Variants in LARGE1 observed in about 807,000 individuals in gnomAD.
The protein encoded by LARGE1 is LARGE xylosyl- and glucuronyltransferase 1, also known as xylosyl- and glucuronyltransferase LARGE1.
LARGE1 carries 43 observed loss-of-function variants against 87.6 expected under a neutral mutation model. The ratio of observed to expected loss-of-function variants is 0.49; its 90% CI spans 0.38 to 0.63. LARGE1 has a LOEUF of 0.63. Ranked by LOEUF, LARGE1 falls within the 30% of genes least tolerant of loss-of-function variation. The pLI, the probability that LARGE1 is intolerant of heterozygous loss-of-function variation, is 0.00. For synonymous variants in LARGE1, 434 were observed against 394.6 expected, an observed-to-expected ratio of 1.10 and a Z score of -1.18; for missense variants, 802 against 1,000.2, an observed-to-expected ratio of 0.80 and a Z score of 2.67.
chr22:33,499,398 G>T (rs1427098438), intron 6 of LARGE1, among the ~76,000 whole-genome samples: 1 of 152,120 alleles, frequency 6.6e-6, no homozygotes, highest in African/African-American at 2.4e-5. Flanking sequence ...TAGTTATAAC[G>T]ATTGGTTAAG....
intron 7 of LARGE1, among the ~76,000 whole-genome samples, chr22:33,408,368 A>C (rs572200853): frequency 6.6e-6 from 1 of 152,342 alleles, no homozygotes; most frequent in African/African-American, 2.4e-5. Flanking sequence ...GATCAATGAT[A>C]AGGATGACAC....
chr22:33,238,409 G>A (rs192345971), intron 11 of LARGE1, among the ~76,000 whole-genome samples: 1 of 152,096 alleles, frequency 6.6e-6, no homozygotes, highest in African/African-American at 2.4e-5. Context: ...TAATCATAGG[G>A]CGTGATTTGA....
chr22:33,209,594 C>G (rs1029260826), intron 11 of LARGE1, among the ~76,000 whole-genome samples: 16 of 152,300 alleles, frequency 1.1e-4, no homozygotes, highest in Admixed American at 1.0e-3. Flanking sequence ...AATATTTGCT[C>G]TATGTACAAT....
In LARGE1 at chr22:33,840,568, T is replaced by G. The variant is rs533566465; in HGVS notation, c.-82-79010A>C. On this transcript the variant is annotated intron_variant, in intron 1 of 14. Coordinates refer to ENST00000397394, the MANE Select transcript of LARGE1 (RefSeq NM_133642.5). ...CAAATATCTAGTATTTTACCACTTT[T>G]AAAGTACTATTGGATCTATTGCCCT... 4.6e-5 allele frequency among the ~76,000 whole-genome samples: 7 copies of G among 152,304 alleles called. 1 individual carries two copies. In the South Asian group the frequency reaches 1.5e-3, roughly 32 times the overall value.
rs9607073 is a variant in LARGE1 at position 33,698,672 on chromosome 22, G to T, written c.107-48004C>A. On this transcript the variant is annotated intron_variant, in intron 2 of 14. Coordinates refer to ENST00000397394, the MANE Select transcript of LARGE1 (RefSeq NM_133642.5). ...TCAGCTCAGCTACATCCCAGGTAGG[G>T]CCATTTACTGAACCTTTACTGAACG... Among the ~76,000 whole-genome samples the T allele has an allele frequency of 5.6e-3, 855 of 152,246 alleles. 6 individuals are homozygous for T. The highest frequency in any genetic ancestry group is 5.9e-3 in the Non-Finnish European group (404 of 68,020).
At chr22:33,278,513 C>T (rs1346857395) in intron 13 of LARGE1, among the ~76,000 whole-genome samples, 2 of 151,630 alleles carry the variant, frequency 1.3e-5, no homozygotes, top group African/African-American at 4.8e-5. Flanking sequence ...TATTAGTTAA[C>T]CACTTACTGT....
intron 7 of LARGE1, among the ~76,000 whole-genome samples, chr22:33,398,302 G>C (rs112106280): frequency 6.6e-6 from 1 of 151,748 alleles, no homozygotes; most frequent in African/African-American, 2.4e-5. Context: ...GCTCAGAAAG[G>C]CTATGTGGCT....
chr22:33,297,469 C>T (rs58127043), intron 12 of LARGE1, among the ~76,000 whole-genome samples: 5,684 of 151,484 alleles, frequency 0.038, 334 homozygotes, highest in African/African-American at 0.13. Context: ...AAAAATTAGC[C>T]AGGTGTGGTG....
intron 14 of LARGE1, 64 bp downstream of exon 14, chr22:33,276,996 T>C: frequency 6.7e-7 from 1 of 1,494,166 alleles, no homozygotes; most frequent in South Asian, 1.1e-5. Context: ...AAGGATCCCT[T>C]AAGCTCTAGG....
At chr22:33,069,546 G>C in the LARGE1 span, among the ~76,000 whole-genome samples, 73 of 152,124 alleles carry the variant, frequency 4.8e-4, no homozygotes, top group Non-Finnish European at 3.5e-4. Flanking sequence ...CAATTTCCAG[G>C]ATTTGTTTCC....
chr22:33,483,824 G>A (rs997871958), intron 6 of LARGE1, among the ~76,000 whole-genome samples: 2 of 152,156 alleles, frequency 1.3e-5, no homozygotes, highest in African/African-American at 4.8e-5. Flanking sequence ...GATCTGGAAG[G>A]AGTGGCATGC....
the LARGE1 span, among the ~76,000 whole-genome samples, chr22:33,143,241 G>A: frequency 5.9e-5 from 9 of 152,242 alleles, no homozygotes; most frequent in Admixed American, 2.0e-4. Flanking sequence ...GCTATCAAAG[G>A]TTGGTGAACA....
At chr22:33,068,896 G>T in the LARGE1 span, among the ~76,000 whole-genome samples, 5 of 152,162 alleles carry the variant, frequency 3.3e-5, no homozygotes, top group African/African-American at 1.2e-4. Context: ...GGGGCTCTCT[G>T]GGTGGACTCA....
intron 6 of LARGE1, among the ~76,000 whole-genome samples, chr22:33,459,009 ATTTT>A (rs150586477): frequency 6.7e-6 from 1 of 150,120 alleles, no homozygotes; most frequent in Admixed American, 6.7e-5. Context: ...GAAGACAAGT[ATTTT>A]TTTTTTAATT....
At chr22:33,380,463 C>T (rs924567166) in intron 9 of LARGE1, among the ~76,000 whole-genome samples, 2 of 152,118 alleles carry the variant, frequency 1.3e-5, no homozygotes, top group East Asian at 3.8e-4. Flanking sequence ...GATGGAAGGG[C>T]TTCATGGACA....
chr22:33,748,225 G>A (rs376002049), intron 2 of LARGE1, among the ~76,000 whole-genome samples: 4 of 149,582 alleles, frequency 2.7e-5, no homozygotes, highest in South Asian at 2.1e-4. Flanking sequence ...TCCACCTCCC[G>A]GGTTCAAGCG....
At chr22:33,089,415 C>T in the LARGE1 span, among the ~76,000 whole-genome samples, 1 of 105,096 alleles carries the variant, frequency 9.5e-6, no homozygotes, top group South Asian at 3.2e-4. Context: ...TCTTCTTCTA[C>T]TTCTTCTTCC....
In LARGE1 at chr22:33,739,280, T is replaced by G. The variant is rs531824648; in HGVS notation, c.106+22091A>C. ...ATGCCTGGCTTTGGGAATAGCTCTTTTCCATCCTAATTTCTTGATGAACTC... is the reference window on the plus strand; with the variant it reads ...ATGCCTGGCTTTGGGAATAGCTCTTGTCCATCCTAATTTCTTGATGAACTC... On this transcript the variant is annotated intron_variant, in intron 2 of 14. Transcript: ENST00000397394. Among the ~76,000 whole-genome samples, 5 of 152,228 alleles carry G rather than the reference T, an allele frequency of 3.3e-5. No individual in the cohort carries two copies. The East Asian group carries it at 9.7e-4, about 29-fold the overall frequency.
At chr22:33,811,062 T>C (rs1414526373) in intron 1 of LARGE1, among the ~76,000 whole-genome samples, 1 of 152,152 alleles carries the variant, frequency 6.6e-6, no homozygotes, top group Non-Finnish European at 1.5e-5. Flanking sequence ...ACATGATTAA[T>C]GCGTGAGTGG....
Sources: allele counts gnomAD v4.1 joint callset (sites outside exome capture counted in the v4.1 genomes callset), GRCh38; gene constraint gnomAD v4.1.1; transcripts MANE v1.5; gene names NCBI Gene and HGNC (gene_info 2026-07-23, HGNC 2026-07-21).